Variants in NDUFB5 observed in about 807,000 individuals in gnomAD.
The protein encoded by NDUFB5 is NADH:ubiquinone oxidoreductase subunit B5.
NDUFB5 carries 19 observed loss-of-function variants against 19.4 expected under a neutral mutation model. That is an observed-to-expected ratio of 0.98 (90% CI 0.68 to 1.43). The LOEUF (loss-of-function observed/expected upper bound fraction) is 1.43. Among genes scored for constraint, NDUFB5 ranks in the 40% most tolerant of loss-of-function variants. The pLI, the probability that NDUFB5 is intolerant of heterozygous loss-of-function variation, is 0.00. For missense variants in NDUFB5, 233 were observed against 236.5 expected, an observed-to-expected ratio of 0.99 and a Z score of 0.10; for synonymous variants, 80 against 82.6, an observed-to-expected ratio of 0.97 and a Z score of 0.17.
In NDUFB5 at chr3:179,615,965, CT is replaced by C. The variant is rs753738888; in HGVS notation, c.214-8del. The stretch of plus-strand genomic sequence containing the variant: ...AGTTACGAAATGGTCATGAGAAACA[CT>C]TTTTTTTTTATCTTAGAGATTCTAC... On this transcript the variant is annotated splice_polypyrimidine_tract_variant and intron_variant, in intron 2 of 5. Coordinates refer to ENST00000259037, the MANE Select transcript of NDUFB5 (RefSeq NM_002492.4). The C allele has an allele frequency of 4.2e-3, 5,646 of 1,354,818 alleles. 11 individuals are homozygous for C. Among genetic ancestry groups the C allele is most frequent in the South Asian group, 9.6e-3 (735 of 76,386 alleles). The allele number at this position is 1,354,818 out of a possible 1,614,324, so 83.9% of individuals were successfully genotyped here. A position where few individuals can be genotyped will look rare whatever the true frequency, so the allele number is the denominator to read the frequency against.
intron 5 of NDUFB5, among the ~76,000 whole-genome samples, chr3:179,622,072 G>A (rs114197956): frequency 0.014 from 2,069 of 152,162 alleles, 43 homozygotes; most frequent in African/African-American, 0.047. Context: ...GGCTTAAGCA[G>A]TCCTCCAGCC....
At chr3:179,613,000 C>T (rs773540153) in intron 1 of NDUFB5, among the ~76,000 whole-genome samples, 2 of 152,156 alleles carry the variant, frequency 1.3e-5, no homozygotes, top group Non-Finnish European at 2.9e-5. Flanking sequence ...TTGTGAGCAA[C>T]TAAATTTCTG....
At chr3:179,618,032 T>G (rs1719426191) in intron 4 of NDUFB5, among the ~76,000 whole-genome samples, 1 of 152,232 alleles carries the variant, frequency 6.6e-6, no homozygotes, top group African/African-American at 2.4e-5. Context: ...GACCTTACAC[T>G]TAGTTTGTTT....
At chr3:179,615,080 G>T in intron 2 of NDUFB5, 21 bp downstream of exon 2, 1 of 1,554,600 alleles carries the variant, frequency 6.4e-7, no homozygotes, top group South Asian at 1.2e-5. Context: ...ATTTTTTGTT[G>T]AATTAAAGTC....
At position 179,625,980 on chromosome 3, in the gene NDUFB5, C is replaced by T. The variant is rs1719659774; in HGVS notation, c.*1940C>T. ...GGGATTGCTGGATTGTATGATAATT[C>T]TATGTGTAGTTTCTTGAGGAACCTT... On this transcript the variant is annotated 3_prime_UTR_variant, in exon 6 of 6. Coordinates refer to ENST00000259037, the MANE Select transcript of NDUFB5 (RefSeq NM_002492.4). 1 of 152,204 alleles carries T rather than the reference C, an allele frequency of 6.6e-6. No homozygotes were observed. Among genetic ancestry groups the T allele is most frequent in the Admixed American group, 6.5e-5 (1 of 15,274 alleles). 9.4% of individuals were successfully genotyped at this position (152,204 alleles called of 1,614,324 possible). A position where few individuals can be genotyped will look rare whatever the true frequency, so the allele number is the denominator to read the frequency against.
At chr3:179,614,818 A>G (rs923234807) in intron 1 of NDUFB5, 153 bp from the exon 2 acceptor site, 1 of 435,772 alleles carries the variant, frequency 2.3e-6, no homozygotes, top group Non-Finnish European at 4.1e-6. Flanking sequence ...GGTTTGAGGG[A>G]GGCACATCTC....
chr3:179,609,798 A>G (rs1719191593), intron 1 of NDUFB5, among the ~76,000 whole-genome samples: 1 of 151,948 alleles, frequency 6.6e-6, no homozygotes, highest in African/African-American at 2.4e-5. Context: ...AGCTATTCTG[A>G]TGGGTATGTG....
In NDUFB5 at chr3:179,604,875, C is replaced by T. The variant is rs2271840; in HGVS notation, c.60C>T (p.Gly20=). The T allele has an allele frequency of 9.6e-5, 153 of 1,593,952 alleles. 2 individuals are homozygous for T. The East Asian group carries it at 1.9e-3, about 20-fold the overall frequency. The change falls in exon 1 of 6, where the codon GGC becomes GGT. Residue 20 remains glycine (G), a synonymous_variant. Transcript: ENST00000259037. ...TTACTGCGGTGGCAGCTCTGTCTGG[C>T]CGGCCCCTTGGCACTCGCCTCGGAT... ...VSVTAVAALS[G]RPLGTRLGFG... is the part of the protein sequence containing the mutation.
At chr3:179,622,564 T>C (rs571588145) in intron 5 of NDUFB5, among the ~76,000 whole-genome samples, 149 of 152,332 alleles carry the variant, frequency 9.8e-4, no homozygotes, top group Non-Finnish European at 1.7e-3. Flanking sequence ...TTCTCCTTAT[T>C]CTTTTTAGTA....
intron 1 of NDUFB5, among the ~76,000 whole-genome samples, chr3:179,614,406 G>A (rs935245051): frequency 5.3e-5 from 8 of 152,086 alleles, no homozygotes; most frequent in African/African-American, 1.4e-4. Context: ...AAATACGGCT[G>A]GTCCTTTCCA....
Position 179,618,554 on chromosome 3 carries a change from A to G in NDUFB5, c.449+33A>G, listed in dbSNP as rs769179133. The G allele has an allele frequency of 2.1e-6, 3 of 1,437,164 alleles. No homozygotes were observed. The South Asian group carries it at 3.5e-5, about 17-fold the overall frequency. 89.0% of individuals were successfully genotyped at this position (1,437,164 alleles called of 1,614,324 possible). On this transcript the variant is annotated intron_variant, in intron 5 of 5. Transcript: ENST00000259037. Reference sequence around the variant, plus strand: ...AAACGAGGGGGTAGGTGGGAAAGAAAATCTTCCTAAGGTAGCAAACCACCA... The same window carrying G: ...AAACGAGGGGGTAGGTGGGAAAGAAGATCTTCCTAAGGTAGCAAACCACCA...
chr3:179,609,619 C>T (rs371971597), intron 1 of NDUFB5, among the ~76,000 whole-genome samples: 64 of 152,186 alleles, frequency 4.2e-4, no homozygotes, highest in Non-Finnish European at 7.8e-4. Context: ...ATGTATCTTA[C>T]TAGGATTCCA....
At chr3:179,619,193 C>T (rs1321224613) in intron 5 of NDUFB5, among the ~76,000 whole-genome samples, 2 of 92,426 alleles carry the variant, frequency 2.2e-5, no homozygotes, top group African/African-American at 1.0e-4. Flanking sequence ...GTGCTGAGTG[C>T]CTGTTTTTTT....
intron 2 of NDUFB5, 170 bp downstream of exon 2, chr3:179,615,229 TTTAAA>T: frequency 2.4e-6 from 1 of 408,542 alleles, no homozygotes; most frequent in Non-Finnish European, 4.5e-6. Flanking sequence ...TGAATTTCTC[TTTAAA>T]TTAGTGAAGC....
Position 179,624,555 on chromosome 3 carries a change from A to C in NDUFB5, c.*515A>C, listed in dbSNP as rs1719619856. On this transcript the variant is annotated 3_prime_UTR_variant, in exon 6 of 6. Transcript: ENST00000259037. Reference sequence around the variant, plus strand: ...TGTATTGTTCTTTTTTAAACTACACACAGACACACAGACACGTACACACAC... The same window carrying C: ...TGTATTGTTCTTTTTTAAACTACACCCAGACACACAGACACGTACACACAC... 7.1e-6 allele frequency: 1 copy of C among 140,424 alleles called. No individual in the cohort carries two copies. 8.7% of individuals were successfully genotyped at this position (140,424 alleles called of 1,614,324 possible).
At chr3:179,614,794 CTACCTCA>C in intron 1 of NDUFB5, 170 bp from the exon 2 acceptor site, 1 of 385,670 alleles carries the variant, frequency 2.6e-6, no homozygotes, top group South Asian at 7.0e-5. Context: ...GGTAATGTGC[CTACCTCA>C]TAACAAGGTT....
At chr3:179,620,081 G>T (rs1719494040) in intron 5 of NDUFB5, among the ~76,000 whole-genome samples, 1 of 152,128 alleles carries the variant, frequency 6.6e-6, no homozygotes, top group East Asian at 1.9e-4. Context: ...TGAGTTCATT[G>T]TAGATTCTGG....
chr3:179,606,420 C>T (rs946692676), intron 1 of NDUFB5, among the ~76,000 whole-genome samples: 28 of 152,098 alleles, frequency 1.8e-4, no homozygotes, highest in African/African-American at 6.8e-4. Flanking sequence ...GTCACTGCAA[C>T]CTCTGCCTCC....
intron 5 of NDUFB5, among the ~76,000 whole-genome samples, chr3:179,619,101 T>C (rs1316277364): frequency 6.6e-6 from 1 of 152,002 alleles, no homozygotes; most frequent in African/African-American, 2.4e-5. Flanking sequence ...TATGGAAAGC[T>C]ATGTGGATTT....
Sources: gnomAD v4.1 joint callset for allele counts (sites outside exome capture counted in the v4.1 genomes callset) on GRCh38, gnomAD v4.1.1 for gene constraint, MANE v1.5 for transcripts, NCBI Gene and HGNC (gene_info 2026-07-23, HGNC 2026-07-21) for gene names.